The following SPAG9 variants were observed in gnomAD, a reference collection of about 807,000 sequenced individuals.
SPAG9 encodes the protein C-Jun-amino-terminal kinase-interacting protein 4.
A neutral mutation model predicts 166.5 loss-of-function variants in SPAG9; 35 were observed. That is an observed-to-expected ratio of 0.21 (90% CI 0.16 to 0.28). The LOEUF (loss-of-function observed/expected upper bound fraction) is 0.28. SPAG9 is among the 10% of genes least tolerant of loss of function. SPAG9 has a pLI of 1.00. For missense variants in SPAG9, 1,235 were observed against 1,603.3 expected, an observed-to-expected ratio of 0.77 and a Z score of 3.92; for synonymous variants, 534 against 565.5, an observed-to-expected ratio of 0.94 and a Z score of 0.79.
chr17:51,096,907 T>C (rs931046600), intron 1 of SPAG9, among the ~76,000 whole-genome samples: 2 of 152,238 alleles, frequency 1.3e-5, no homozygotes, highest in African/African-American at 2.4e-5. Flanking sequence ...TGTCTTTTTG[T>C]ATGTTAATGG....
intron 1 of SPAG9, among the ~76,000 whole-genome samples, chr17:51,096,937 C>A (rs1164602703): frequency 6.6e-6 from 1 of 152,164 alleles, no homozygotes; most frequent in Non-Finnish European, 1.5e-5. Context: ...TGGCTGGCAG[C>A]CCCTACATAG....
chr17:51,007,208 G>C, intron 10 of SPAG9, 61 bp downstream of exon 10: 1 of 972,282 alleles, frequency 1.0e-6, no homozygotes, highest in Non-Finnish European at 1.6e-6. Context: ...ACGATGAAGT[G>C]TCATTGACTT....
At chr17:51,082,963 T>C (rs1444607445) in intron 1 of SPAG9, among the ~76,000 whole-genome samples, 1 of 152,182 alleles carries the variant, frequency 6.6e-6, no homozygotes, top group Non-Finnish European at 1.5e-5. Context: ...TGAGATGTCC[T>C]CTCTGGGACA....
At chr17:50,992,656 G>A (rs551106805) in intron 19 of SPAG9, among the ~76,000 whole-genome samples, 1 of 152,158 alleles carries the variant, frequency 6.6e-6, no homozygotes, top group East Asian at 1.9e-4. Context: ...ATCCAGCCTG[G>A]GCAACAGAGT....
intron 14 of SPAG9, 123 bp downstream of exon 14, chr17:50,999,538 C>CGGTA (rs1318815474): frequency 6.9e-7 from 1 of 1,456,262 alleles, no homozygotes; most frequent in African/African-American, 1.5e-5. Flanking sequence ...TAACCATTAC[C>CGGTA]CCTAGTTTAA....
chr17:51,085,417 T>C lies in SPAG9; in HGVS notation c.304-5713A>G, dbSNP rs538483108. 10 of 152,362 alleles carry C rather than the reference T, an allele frequency of 6.6e-5. No individual in the cohort carries two copies. The South Asian group carries it at 1.4e-3, about 22-fold the overall frequency. The allele number at this position is 152,362 out of a possible 1,614,324, so 9.4% of individuals were successfully genotyped here. A position where few individuals can be genotyped will look rare whatever the true frequency, so the allele number is the denominator to read the frequency against. On this transcript the variant is annotated intron_variant, in intron 1 of 29. Coordinates refer to ENST00000262013, the MANE Select transcript of SPAG9 (RefSeq NM_001130528.3). ...TCCAAAAAGACCTACCTTTGTGGAA[T>C]GATTCAAGCTTCAGAATTTTTCACG... is the stretch of plus-strand genomic sequence containing the variant.
At chr17:51,005,894 T>C (rs2045197615) in intron 11 of SPAG9, among the ~76,000 whole-genome samples, 191 bp downstream of exon 11, 1 of 152,204 alleles carries the variant, frequency 6.6e-6, no homozygotes, top group East Asian at 1.9e-4. Context: ...AATATTTAGA[T>C]GACAGGCTAA....
At position 50,985,723 on chromosome 17, in the gene SPAG9, G is replaced by A. The variant is rs759544704; in HGVS notation, c.2995C>T (p.Leu999Phe). The A allele has an allele frequency of 8.1e-6, 13 of 1,605,720 alleles. No homozygotes were observed. Among genetic ancestry groups the A allele is most frequent in the Non-Finnish European group, 1.1e-5 (13 of 1,173,422 alleles). The change falls in exon 23 of 30, where the codon CTT (leucine) becomes TTT (phenylalanine). Residue 999 changes from leucine to phenylalanine, a missense_variant. By Grantham distance (22) the Leu-to-Phe change is conservative. Coordinates refer to ENST00000262013, the MANE Select transcript of SPAG9 (RefSeq NM_001130528.3). ...ACAATACTGAGAATCGAATCTTTAA[G>A]TTTAATGGAATGGAGACATTTCCTC... ...QWRKCLHSIK[L>F]KDSILSIVHV...
chr17:51,076,051 C>A (rs536117921), intron 2 of SPAG9, among the ~76,000 whole-genome samples: 7 of 150,200 alleles, frequency 4.7e-5, no homozygotes, highest in Non-Finnish European at 7.4e-5. Flanking sequence ...GCCAAGATCG[C>A]GCCACTGCAC....
intron 1 of SPAG9, among the ~76,000 whole-genome samples, chr17:51,098,903 C>CA (rs1263191368): frequency 6.6e-6 from 1 of 150,920 alleles, no homozygotes; most frequent in Non-Finnish European, 1.5e-5. Context: ...AGATCAAGAC[C>CA]ATCCTGGCCA....
intron 2 of SPAG9, among the ~76,000 whole-genome samples, chr17:51,072,364 G>A (rs567302537): frequency 6.7e-6 from 1 of 148,884 alleles, no homozygotes; most frequent in Non-Finnish European, 1.5e-5. Context: ...GAGCCACCGC[G>A]CCTGGTCTCA....
intron 3 of SPAG9, among the ~76,000 whole-genome samples, chr17:51,048,789 C>T (rs992893318): frequency 3.6e-4 from 55 of 152,230 alleles, no homozygotes; most frequent in African/African-American, 1.3e-3. Context: ...GACTGTTCCT[C>T]AATGAAGACT....
chr17:51,106,102 T>TACACACACACAC (rs71149344), intron 1 of SPAG9, among the ~76,000 whole-genome samples: 1,189 of 110,632 alleles, frequency 0.011, 19 homozygotes, highest in Admixed American at 0.017. Context: ...CCCCCATCTC[T>TACACACACACAC]ACACACACAC....
chr17:50,985,466 T>G (rs1974974922), intron 23 of SPAG9, among the ~76,000 whole-genome samples: 1 of 152,250 alleles, frequency 6.6e-6, no homozygotes, highest in South Asian at 2.1e-4. Context: ...CAGTGCTAAA[T>G]AAATCGCAGT....
At chr17:51,046,779 C>G in intron 4 of SPAG9, 4 of 1,534,694 alleles carry the variant, frequency 2.6e-6, no homozygotes, top group Non-Finnish European at 2.6e-6. Context: ...ATGCCATCAG[C>G]AGCAGCTTTC....
chr17:51,046,514 T>C (rs1019635306), intron 4 of SPAG9: 34 of 1,535,868 alleles, frequency 2.2e-5, no homozygotes, highest in Non-Finnish European at 2.4e-5. Flanking sequence ...GTATCCTTGG[T>C]AGGTTCTGCG....
At chr17:51,054,223 C>T (rs1433408932) in intron 3 of SPAG9, among the ~76,000 whole-genome samples, 1 of 138,710 alleles carries the variant, frequency 7.2e-6, no homozygotes. Context: ...CTCAAGTGAT[C>T]CTCCCACTTC....
chr17:50,992,543 C>T lies in SPAG9; in HGVS notation c.2398+1221G>A, dbSNP rs143096897. ...CAACTTAGCCAGGTGTGGTAGTGTG[C>T]GCCTGTGGTCCCAGCTACTTGGGAG... is the stretch of plus-strand genomic sequence containing the variant. On this transcript the variant is annotated intron_variant, in intron 19 of 29. Transcript: ENST00000262013. Among the ~76,000 whole-genome samples, 76 of 152,088 alleles carry T rather than the reference C, an allele frequency of 5.0e-4. 2 individuals carry two copies. Among genetic ancestry groups the T allele is most frequent in the East Asian group, 3.3e-3 (17 of 5,166 alleles).
At chr17:51,067,450 A>C (rs2047704608) in intron 2 of SPAG9, among the ~76,000 whole-genome samples, 2 of 152,204 alleles carry the variant, frequency 1.3e-5, no homozygotes, top group African/African-American at 4.8e-5. Context: ...CGAAAGCCTC[A>C]AGTACCATGA....
Sources: gnomAD v4.1 joint callset for allele counts (sites outside exome capture counted in the v4.1 genomes callset) on GRCh38, gnomAD v4.1.1 for gene constraint, MANE v1.5 for transcripts, NCBI Gene and HGNC (gene_info 2026-07-23, HGNC 2026-07-21) for gene names.